Variants in CTNND2 observed in about 807,000 individuals in gnomAD.
The protein encoded by CTNND2 is catenin delta 2.
CTNND2 carries 22 observed loss-of-function variants against 144.4 expected under a neutral mutation model. That is an observed-to-expected ratio of 0.15 (90% CI 0.11 to 0.22). CTNND2 has a LOEUF of 0.22. Among genes scored for constraint, CTNND2 ranks in the 10% least tolerant of loss-of-function variants. The pLI, the probability that CTNND2 is intolerant of heterozygous loss-of-function variation, is 1.00. For missense variants in CTNND2, 1,353 were observed against 1,618.8 expected (o/e 0.84, Z 2.82); for synonymous variants, 751 against 695.6 (o/e 1.08, Z -1.25).
chr5:11,635,913 T>C (rs1781671276), intron 2 of CTNND2, among the ~76,000 whole-genome samples: 1 of 152,050 alleles, frequency 6.6e-6, no homozygotes, highest in African/African-American at 2.4e-5. Context: ...TTTTGGAGTA[T>C]CTTTTTTTTC....
intron 2 of CTNND2, among the ~76,000 whole-genome samples, chr5:11,608,773 C>T (rs528510487): frequency 6.6e-6 from 1 of 152,320 alleles, no homozygotes; most frequent in Admixed American, 6.5e-5. Flanking sequence ...GCAGAGTTTT[C>T]CAACTGTTTA....
At position 11,770,411 on chromosome 5, in the gene CTNND2, GGAAA is replaced by G. The variant is rs72309569; in HGVS notation, c.38-38143_38-38140del. On this transcript the variant is annotated intron_variant, in intron 1 of 21. Transcript: ENST00000304623. ...CACGTGGTATTAAAACAGAAAAAAAGGAAAGAAGGAAGGAAGGAAGGAAGGAAGG... is the reference window on the plus strand; with the variant it reads ...CACGTGGTATTAAAACAGAAAAAAAGGAAGGAAGGAAGGAAGGAAGGAAGG... Among the ~76,000 whole-genome samples the G allele has an allele frequency of 9.4e-3, 72 of 7,684 alleles. 3 individuals are homozygous for G. In the Non-Finnish European group the frequency reaches 0.38, roughly 41 times the overall value. 5.0% of individuals were successfully genotyped at this position (7,684 alleles called of 152,430 possible). A position where few individuals can be genotyped will look rare whatever the true frequency, so the allele number is the denominator to read the frequency against.
rs565419978 is a variant in CTNND2, at chr5:11,581,769, G to T, written c.175-16713C>A. On this transcript the variant is annotated intron_variant, in intron 2 of 21. Transcript: ENST00000304623. ...AAATTACCTATTTCTCATATCTCAGGTTTCAAATTTGATTGTTAACTTCCT... is the reference window on the plus strand; with the variant it reads ...AAATTACCTATTTCTCATATCTCAGTTTTCAAATTTGATTGTTAACTTCCT... 8.5e-5 allele frequency among the ~76,000 whole-genome samples: 13 copies of T among 152,226 alleles called. No individual in the cohort carries two copies. The South Asian group carries it at 2.7e-3, about 32-fold the overall frequency.
At chr5:11,308,449 C>CAAA (rs111996095) in intron 9 of CTNND2, among the ~76,000 whole-genome samples, 1 of 151,672 alleles carries the variant, frequency 6.6e-6, no homozygotes, top group African/African-American at 2.4e-5. Flanking sequence ...ACTTTATTTA[C>CAAA]AAAAAAAACA....
chr5:11,587,338 A>G (rs1388601222), intron 2 of CTNND2, among the ~76,000 whole-genome samples: 3 of 152,120 alleles, frequency 2.0e-5, no homozygotes, highest in Admixed American at 6.5e-5. Flanking sequence ...GACAATAAAC[A>G]TAAACTTTTA....
intron 1 of CTNND2, among the ~76,000 whole-genome samples, chr5:11,868,271 C>T (rs1362386660): frequency 6.6e-6 from 1 of 152,034 alleles, no homozygotes; most frequent in Admixed American, 6.6e-5. Flanking sequence ...TTGGGTGCTC[C>T]AGGGTGGTGA....
chr5:11,278,965 C>G (rs1374243312), intron 9 of CTNND2, among the ~76,000 whole-genome samples: 2 of 152,126 alleles, frequency 1.3e-5, no homozygotes, highest in South Asian at 2.1e-4. Context: ...TCACTAACTC[C>G]CCCACGGTGT....
chr5:11,900,307 C>T lies in CTNND2; in HGVS notation c.37+3510G>A, dbSNP rs61761569. Among the ~76,000 whole-genome samples the T allele has an allele frequency of 3.4e-3, 524 of 152,238 alleles. 8 individuals carry two copies. Among genetic ancestry groups the T allele is most frequent in the African/African-American group, 0.012 (501 of 41,552 alleles). On this transcript the variant is annotated intron_variant, in intron 1 of 21. Transcript: ENST00000304623. ...CAGAGCTTGGAATTGCACTTAACTGCTATGTGATCAAAAGATAAACAACTG... is the reference window on the plus strand; with the variant it reads ...CAGAGCTTGGAATTGCACTTAACTGTTATGTGATCAAAAGATAAACAACTG...
intron 13 of CTNND2, among the ~76,000 whole-genome samples, chr5:11,112,781 C>A (rs1459680973): frequency 6.6e-6 from 1 of 152,180 alleles, no homozygotes; most frequent in Admixed American, 6.5e-5. Context: ...GCTGTGGGGC[C>A]TTGGGCAAAG....
At chr5:11,013,613 G>T (rs1376597105) in intron 18 of CTNND2, among the ~76,000 whole-genome samples, 1 of 152,220 alleles carries the variant, frequency 6.6e-6, no homozygotes, top group Non-Finnish European at 1.5e-5. Context: ...CAAATAATGA[G>T]ATTTTTGCTT....
At chr5:11,198,391 C>T (rs1179026003) in intron 11 of CTNND2, among the ~76,000 whole-genome samples, 1 of 152,104 alleles carries the variant, frequency 6.6e-6, no homozygotes, top group East Asian at 1.9e-4. Context: ...AGAAATGTGA[C>T]AATAATCTCA....
At chr5:11,160,538 A>T (rs947506498) in intron 11 of CTNND2, among the ~76,000 whole-genome samples, 2 of 152,238 alleles carry the variant, frequency 1.3e-5, no homozygotes, top group African/African-American at 4.8e-5. Context: ...TTGCATATAT[A>T]TTATAACATC....
chr5:11,439,644 T>G (rs1052525843), intron 3 of CTNND2, among the ~76,000 whole-genome samples: 6 of 152,016 alleles, frequency 3.9e-5, no homozygotes, highest in African/African-American at 1.4e-4. Context: ...ACAATCCTCC[T>G]ACCTCAGCTT....
chr5:11,056,173 G>A (rs759593516), intron 16 of CTNND2, among the ~76,000 whole-genome samples: 7 of 152,170 alleles, frequency 4.6e-5, no homozygotes, highest in Non-Finnish European at 1.0e-4. Context: ...GAGAATAAAT[G>A]TTTCACATTT....
chr5:11,806,338 G>A (rs985151885), intron 1 of CTNND2, among the ~76,000 whole-genome samples: 1 of 152,060 alleles, frequency 6.6e-6, no homozygotes, highest in Non-Finnish European at 1.5e-5. Flanking sequence ...ATCTTAAAAT[G>A]TATTTTAAAA....
At chr5:11,177,365 G>A (rs751920790) in intron 11 of CTNND2, among the ~76,000 whole-genome samples, 3 of 152,086 alleles carry the variant, frequency 2.0e-5, no homozygotes, top group Non-Finnish European at 4.4e-5. Flanking sequence ...TTCTTACTAT[G>A]TATCTACAAC....
intron 3 of CTNND2, among the ~76,000 whole-genome samples, chr5:11,475,895 G>A (rs758410219): frequency 6.6e-6 from 1 of 151,912 alleles, no homozygotes; most frequent in African/African-American, 2.4e-5. Flanking sequence ...GATCTCATTC[G>A]GTAACCCAGG....
Position 11,238,903 on chromosome 5 carries a change from A to G in CTNND2, c.1629-2080T>C, listed in dbSNP as rs569519726. 2.6e-5 allele frequency among the ~76,000 whole-genome samples: 4 copies of G among 152,336 alleles called. No individual in the cohort carries two copies. In the East Asian group the frequency reaches 7.7e-4, roughly 29 times the overall value. ...AACAATCATAGAATTAAAAATGTAA[A>G]GCCTGTTTTTCTCTCAAATTTAATT... On this transcript the variant is annotated intron_variant, in intron 9 of 21. Coordinates refer to ENST00000304623, the MANE Select transcript of CTNND2 (RefSeq NM_001332.4).
At chr5:11,516,189 G>T (rs1026137346) in intron 3 of CTNND2, among the ~76,000 whole-genome samples, 1 of 152,020 alleles carries the variant, frequency 6.6e-6, no homozygotes, top group Non-Finnish European at 1.5e-5. Context: ...AATTGTCAGA[G>T]TCACCACAAG....
Sources: gnomAD v4.1 joint callset for allele counts (sites outside exome capture counted in the v4.1 genomes callset) on GRCh38, gnomAD v4.1.1 for gene constraint, MANE v1.5 for transcripts, NCBI Gene and HGNC (gene_info 2026-07-23, HGNC 2026-07-21) for gene names.